The following CSMD1 variants were observed in gnomAD, a reference collection of about 807,000 sequenced individuals.
CSMD1 encodes CUB and sushi domain-containing protein 1.
In CSMD1, 213 loss-of-function variants were observed where a neutral mutation model predicts 417.5. The observed-to-expected ratio is 0.51, with a 90% CI of 0.46 to 0.57. CSMD1 has a LOEUF of 0.57. Ranked by LOEUF, CSMD1 falls within the 20% of genes least tolerant of loss-of-function variation. The pLI, the probability that CSMD1 is intolerant of heterozygous loss-of-function variation, is 0.00. For missense variants in CSMD1, 6,923 were observed against 4,529.7 expected, an observed-to-expected ratio of 1.53 and a Z score of -15.17; for synonymous variants, 2,862 against 1,736.8, an observed-to-expected ratio of 1.65 and a Z score of -16.11.
intron 1 of CSMD1, among the ~76,000 whole-genome samples, chr8:4,984,787 G>A (rs775237675): frequency 1.3e-5 from 2 of 152,164 alleles, no homozygotes; most frequent in Non-Finnish European, 2.9e-5. Flanking sequence ...ATTCTTGCCA[G>A]AACAGAAACC....
At chr8:4,677,917 T>A (rs1805796071) in intron 1 of CSMD1, among the ~76,000 whole-genome samples, 1 of 152,158 alleles carries the variant, frequency 6.6e-6, no homozygotes, top group African/African-American at 2.4e-5. Flanking sequence ...ATGAACTATA[T>A]ATTGATTCCG....
chr8:4,446,363 C>T (rs766320962), intron 2 of CSMD1, among the ~76,000 whole-genome samples: 23 of 152,090 alleles, frequency 1.5e-4, no homozygotes, highest in Admixed American at 8.5e-4. Context: ...GCCTGGGCAA[C>T]ATGGCAGAAC....
chr8:3,256,446 C>G (rs56391109), intron 26 of CSMD1, among the ~76,000 whole-genome samples: 1 of 152,066 alleles, frequency 6.6e-6, no homozygotes, highest in Non-Finnish European at 1.5e-5. Context: ...TTCATTGTCC[C>G]CTTCTCCTAA....
chr8:3,862,572 A>G (rs1363192620), intron 5 of CSMD1, among the ~76,000 whole-genome samples: 4 of 152,320 alleles, frequency 2.6e-5, no homozygotes, highest in Non-Finnish European at 5.9e-5. Context: ...TAATTATGGT[A>G]TATTTTACTT....
chr8:4,481,747 T>C (rs1801111319), intron 2 of CSMD1, among the ~76,000 whole-genome samples: 1 of 152,174 alleles, frequency 6.6e-6, no homozygotes, highest in Admixed American at 6.5e-5. Flanking sequence ...AAGAAGTAAA[T>C]ATTAGATACT....
intron 10 of CSMD1, among the ~76,000 whole-genome samples, chr8:3,536,021 C>G (rs189812450): frequency 4.1e-4 from 62 of 152,256 alleles, no homozygotes; most frequent in African/African-American, 1.4e-3. Flanking sequence ...AAGTGACCTC[C>G]TCAAGCCAGC....
intron 3 of CSMD1, among the ~76,000 whole-genome samples, chr8:4,374,778 C>T (rs574949383): frequency 6.6e-6 from 1 of 152,196 alleles, no homozygotes; most frequent in Admixed American, 6.5e-5. Context: ...GAATGGCCAC[C>T]TGCTCTAGGA....
intron 3 of CSMD1, among the ~76,000 whole-genome samples, chr8:4,055,761 T>C (rs1356375077): frequency 3.9e-5 from 6 of 152,166 alleles, no homozygotes; most frequent in Non-Finnish European, 7.4e-5. Context: ...CTTGACTAGA[T>C]ACTGTATAAA....
rs561641961 is a variant in CSMD1 at position 4,105,877 on chromosome 8, G to A, written c.416-73778C>T. On this transcript the variant is annotated intron_variant, in intron 3 of 69. Transcript: ENST00000635120. Reference sequence around the variant, plus strand: ...CTTCCCGGGACAACAGAGCAGACAGGACACAGCTCGGCTCTGTGCTGGCCC... The same window carrying A: ...CTTCCCGGGACAACAGAGCAGACAGAACACAGCTCGGCTCTGTGCTGGCCC... 1.2e-4 allele frequency among the ~76,000 whole-genome samples: 18 copies of A among 152,300 alleles called. No individual in the cohort carries two copies. In the South Asian group the frequency reaches 3.7e-3, roughly 32 times the overall value.
intron 1 of CSMD1, among the ~76,000 whole-genome samples, chr8:4,747,391 C>G (rs71523644): frequency 6.6e-6 from 1 of 152,054 alleles, no homozygotes; most frequent in Non-Finnish European, 1.5e-5. Flanking sequence ...AGACACACAA[C>G]TAACAAGATT....
At chr8:4,737,636 A>G (rs962591515) in intron 1 of CSMD1, among the ~76,000 whole-genome samples, 9 of 152,188 alleles carry the variant, frequency 5.9e-5, no homozygotes, top group Non-Finnish European at 2.9e-5. Context: ...ATTTTTTACC[A>G]AATGGTTGAG....
At chr8:4,180,279 G>A (rs910016735) in intron 3 of CSMD1, among the ~76,000 whole-genome samples, 1 of 151,982 alleles carries the variant, frequency 6.6e-6, no homozygotes, top group Admixed American at 6.6e-5. Flanking sequence ...CCTTTGTAGG[G>A]ATATGGATGA....
At chr8:3,498,618 C>T (rs1278572823) in intron 10 of CSMD1, among the ~76,000 whole-genome samples, 1 of 152,192 alleles carries the variant, frequency 6.6e-6, no homozygotes, top group Non-Finnish European at 1.5e-5. Flanking sequence ...TCTTCTCCTT[C>T]TAGAACTCCC....
chr8:3,858,356 T>C (rs1322155764), intron 5 of CSMD1, among the ~76,000 whole-genome samples: 2 of 152,202 alleles, frequency 1.3e-5, no homozygotes, highest in Non-Finnish European at 2.9e-5. Flanking sequence ...AAATATTTCA[T>C]GCTTGACCTT....
Position 3,295,662 on chromosome 8 carries a change from G to C in CSMD1, c.3951-11316C>G, listed in dbSNP as rs190830924. Among the ~76,000 whole-genome samples the C allele has an allele frequency of 7.4e-4, 113 of 152,246 alleles. 1 individual carries two copies. The South Asian group carries it at 0.022, about 30-fold the overall frequency. On this transcript the variant is annotated intron_variant, in intron 25 of 69. Coordinates refer to ENST00000635120, the MANE Select transcript of CSMD1 (RefSeq NM_033225.6). Reference sequence around the variant, plus strand: ...GATTTGCTAACTCGCTCTCCCTTGGGATTCTAACTGCTTTGGTCCAGGGTA... The same window carrying C: ...GATTTGCTAACTCGCTCTCCCTTGGCATTCTAACTGCTTTGGTCCAGGGTA...
chr8:3,485,817 TAAAATAAAATAAAATAA>T (rs1229563607), intron 11 of CSMD1, among the ~76,000 whole-genome samples: 2 of 141,048 alleles, frequency 1.4e-5, no homozygotes, highest in East Asian at 4.4e-4. Flanking sequence ...TAAAATAAAA[TAAAATAAAATAAAATAA>T]AACAGGAAAT....
chr8:3,409,391 G>A lies in CSMD1; in HGVS notation c.1744+32C>T, dbSNP rs1457309000. ...CCCCTTGCAAGATCCTTGCAGGACA[G>A]GAGGGAGTCCAGGTCAAGGCATAAT... On this transcript the variant is annotated intron_variant, in intron 13 of 69. Coordinates refer to ENST00000635120, the MANE Select transcript of CSMD1 (RefSeq NM_033225.6). The A allele has an allele frequency of 7.6e-6, 12 of 1,573,986 alleles. 1 individual carries two copies. The South Asian group carries it at 8.2e-5, about 11-fold the overall frequency.
intron 2 of CSMD1, among the ~76,000 whole-genome samples, chr8:4,448,397 T>C (rs2129786817): frequency 6.6e-6 from 1 of 152,308 alleles, no homozygotes; most frequent in East Asian, 1.9e-4. Flanking sequence ...AACTCCTACT[T>C]TCAGTAACCC....
intron 5 of CSMD1, among the ~76,000 whole-genome samples, chr8:3,897,286 A>G (rs550706082): frequency 6.6e-6 from 1 of 152,168 alleles, no homozygotes; most frequent in Admixed American, 6.5e-5. Context: ...TTAATTATCT[A>G]CACTTAAGAG....
Sources: allele counts gnomAD v4.1 joint callset (sites outside exome capture counted in the v4.1 genomes callset), GRCh38; gene constraint gnomAD v4.1.1; transcripts MANE v1.5; gene names NCBI Gene and HGNC (gene_info 2026-07-23, HGNC 2026-07-21).